Variants in VSIG10L observed in about 807,000 individuals in gnomAD.
The protein encoded by VSIG10L is V-set and immunoglobulin domain-containing protein 10-like.
In VSIG10L, 63 loss-of-function variants were observed where a neutral mutation model predicts 67.3. The ratio of observed to expected loss-of-function variants is 0.94; its 90% confidence interval spans 0.76 to 1.15. The LOEUF (loss-of-function observed/expected upper bound fraction) is 1.15, where lower values mean the gene tolerates loss of function less well. VSIG10L is among the 50% of genes most tolerant of loss of function. VSIG10L has a pLI of 0.00. For synonymous variants in VSIG10L, 499 were observed against 524.9 expected, an observed-to-expected ratio of 0.95 and a Z score of 0.67; for missense variants, 1,050 against 1,177.5, an observed-to-expected ratio of 0.89 and a Z score of 1.58.
At position 51,337,286 on chromosome 19, in the gene VSIG10L, G is replaced by A. The variant is rs1985505820; in HGVS notation, c.2257C>T (p.Leu753=). 6.4e-7 allele frequency: 1 copy of A among 1,551,240 alleles called. No individual in the cohort carries two copies. The highest frequency in any genetic ancestry group is 1.4e-5 in the African/African-American group (1 of 73,148). ...GATGGAGTCCCTGGCTGGCCCCCCAGGATGGGCAGGATCCGAAAGGTCCAG... is the reference window on the plus strand; with the variant it reads ...GATGGAGTCCCTGGCTGGCCCCCCAAGATGGGCAGGATCCGAAAGGTCCAG... ...GTWTFRILPI[L]GGQPGTPSQS... The change falls in exon 7 of 10, where the codon CTG becomes TTG. Residue 753 remains leucine (L), a synonymous_variant. Transcript: ENST00000335624.
intron 7 of VSIG10L, among the ~76,000 whole-genome samples, chr19:51,335,024 C>T (rs1985448976): frequency 6.6e-6 from 1 of 152,144 alleles, no homozygotes; most frequent in South Asian, 2.1e-4. Flanking sequence ...GCTCAGGTCC[C>T]TGAGGAAGTA....
At chr19:51,332,770 AGGGG>A in intron 9 of VSIG10L, 130 bp from the exon 10 acceptor site, 2 of 880,326 alleles carry the variant, frequency 2.3e-6, no homozygotes, top group African/African-American at 1.7e-5. Context: ...CCATTTGGAG[AGGGG>A]AAAAAAAATG....
Position 51,340,675 on chromosome 19 carries a change from C to T in VSIG10L, c.947G>A (p.Gly316Glu). Residue 316 changes from glycine (G) to glutamate (E), a missense_variant, in exon 3 of 10, where the codon GGG becomes GAG. Physicochemically the swap from Gly to Glu is moderately conservative, Grantham distance 98 (BLOSUM62 -2). This residue lies in a region of VSIG10L where 511 missense variants were observed against 557.9 expected (regional missense o/e 0.92). Transcript: ENST00000335624. The surrounding 1 kb of genome is among the most constrained non-coding windows in gnomAD (Gnocchi z 6.3). Reference sequence around the variant, plus strand: ...GCAGCGCAGCCGGAGCTCGGCCGCCCCCTCCTCTGTCTCTGGAGCCTTGGG... The same window carrying T: ...GCAGCGCAGCCGGAGCTCGGCCGCCTCCTCCTCTGTCTCTGGAGCCTTGGG... ...VQPKAPETEE[G>E]AAELRLRCLG... 6 of 1,528,288 alleles carry T rather than the reference C, an allele frequency of 3.9e-6. No individual in the cohort carries two copies. In the South Asian group the frequency reaches 7.2e-5, roughly 18 times the overall value. 94.7% of individuals were successfully genotyped at this position (1,528,288 alleles called of 1,614,324 possible).
Position 51,341,734 on chromosome 19 carries a change from C to G in VSIG10L, c.314G>C (p.Ser105Thr). 2 of 1,551,652 alleles carry G rather than the reference C, an allele frequency of 1.3e-6. No individual in the cohort carries two copies. The highest frequency in any genetic ancestry group is 8.7e-7 in the Non-Finnish European group (1 of 1,146,988). ...GGTTTCAGAGAAGGGGGAAACCGGG[C>G]TCAAATCTTGGCCCTCAGCAGAAAC... is the stretch of plus-strand genomic sequence containing the variant. ...SNVSAEGQDLSPVSPFSETPG... is the reference protein window; with the variant it reads ...SNVSAEGQDLTPVSPFSETPG... Residue 105 changes from serine (S) to threonine (T), a missense_variant, in exon 2 of 10, where the codon AGC becomes ACC. By Grantham distance (58) the Ser-to-Thr change is moderately conservative. Transcript: ENST00000335624.
In VSIG10L at chr19:51,334,183, T is replaced by C; in HGVS notation, c.2419+8A>G. The C allele has an allele frequency of 1.2e-5, 18 of 1,551,684 alleles. No individual in the cohort carries two copies. The highest frequency in any genetic ancestry group is 1.5e-5 in the Non-Finnish European group (17 of 1,146,940). On this transcript the variant is annotated splice_region_variant and intron_variant, in intron 8 of 9. Transcript: ENST00000335624. ...CATGGTTGCCCCTTCCCCAGTCCCC[T>C]TGCTCACCACGAAAGCGGCACAGGC... is the stretch of plus-strand genomic sequence containing the variant.
Position 51,338,121 on chromosome 19 carries a change from G to A in VSIG10L, c.1817C>T (p.Pro606Leu), listed in dbSNP as rs892325151. Residue 606 changes from proline to leucine, a missense_variant, in exon 6 of 10, where the codon CCC (proline) becomes CTC (leucine). Transcript: ENST00000335624. ...AEVALEASGC[P>L]PPSRASWARE... ...GGCCCAGGATGCCCGTGAGGGTGGGGGACAACCAGAGGCCTCCAGTGCCAC... is the reference window on the plus strand; with the variant it reads ...GGCCCAGGATGCCCGTGAGGGTGGGAGACAACCAGAGGCCTCCAGTGCCAC... 1 of 1,548,926 alleles carries A rather than the reference G, an allele frequency of 6.5e-7. No individual in the cohort carries two copies. Among genetic ancestry groups the A allele is most frequent in the African/African-American group, 1.4e-5 (1 of 72,908 alleles).
chr19:51,341,201 G>A lies in VSIG10L; in HGVS notation c.847C>T (p.Arg283Trp), dbSNP rs774373557. 1.2e-5 allele frequency: 18 copies of A among 1,544,610 alleles called. No individual in the cohort carries two copies. Among genetic ancestry groups the A allele is most frequent in the Non-Finnish European group, 1.4e-5 (16 of 1,143,864 alleles). ...DAGVYTAEVI[R>W]AGVSQQTHEF... ...TGAGTCTGCTGGGAGACCCCTGCCC[G>A]GATGACCTCAGCCGTGTAGACCCCT... The change falls in exon 2 of 10, where the codon CGG becomes TGG. Residue 283 changes from arginine (R) to tryptophan (W), a missense_variant. By Grantham distance (101) the Arg-to-Trp change is moderately radical (BLOSUM62 -3). This residue lies in a region of VSIG10L where 511 missense variants were observed against 557.9 expected (regional missense o/e 0.92). Coordinates refer to ENST00000335624, the MANE Select transcript of VSIG10L (RefSeq NM_001163922.3).
Position 51,340,709 on chromosome 19 carries a change from A to C in VSIG10L, c.913T>G (p.Ser305Ala). ...GTCTCTGGAGCCTTGGGCTGAACCG[A>C]CAGCTGGGGTAGGGGCTCTGGGAGA... ...VGVYEPLPQL[S>A]VQPKAPETEE... Residue 305 changes from serine (S) to alanine (A), a missense_variant, in exon 3 of 10, where the codon TCG becomes GCG. By Grantham distance (99) the Ser-to-Ala change is moderately conservative. Coordinates refer to ENST00000335624, the MANE Select transcript of VSIG10L (RefSeq NM_001163922.3). This position sits in a 1 kb window ranked among gnomAD's most constrained non-coding sequence, Gnocchi z 6.3. 1.3e-6 allele frequency: 2 copies of C among 1,506,518 alleles called. No homozygotes were observed. The highest frequency in any genetic ancestry group is 1.8e-6 in the Non-Finnish European group (2 of 1,130,362). 93.3% of individuals were successfully genotyped at this position (1,506,518 alleles called of 1,614,324 possible).
At position 51,338,102 on chromosome 19, in the gene VSIG10L, G is replaced by A; in HGVS notation, c.1836C>T (p.Ser612=). 1 of 1,551,012 alleles carries A rather than the reference G, an allele frequency of 6.4e-7. No homozygotes were observed. Among genetic ancestry groups the A allele is most frequent in the Non-Finnish European group, 8.7e-7 (1 of 1,146,712 alleles). The change falls in exon 6 of 10, where the codon TCC becomes TCT. Residue 612 remains serine (S), a synonymous_variant. Coordinates refer to ENST00000335624, the MANE Select transcript of VSIG10L (RefSeq NM_001163922.3). ...ASGCPPPSRA[S]WAREGRPLAP... Reference sequence around the variant, plus strand: ...CCAGGGGCCTCCCTTCCCGGGCCCAGGATGCCCGTGAGGGTGGGGGACAAC... The same window carrying A: ...CCAGGGGCCTCCCTTCCCGGGCCCAAGATGCCCGTGAGGGTGGGGGACAAC...
At chr19:51,332,739 T>C in intron 9 of VSIG10L, 99 bp from the exon 10 acceptor site, 1 of 1,230,004 alleles carries the variant, frequency 8.1e-7, no homozygotes, top group Non-Finnish European at 1.1e-6. Context: ...TTGAACTTTT[T>C]AGAGATTATC....
Position 51,340,110 on chromosome 19 carries a change from G to T in VSIG10L, c.1379C>A (p.Ala460Glu). 7.6e-7 allele frequency: 1 copy of T among 1,318,692 alleles called. No homozygotes were observed. The highest frequency in any genetic ancestry group is 9.6e-7 in the Non-Finnish European group (1 of 1,038,714). 81.7% of individuals were successfully genotyped at this position (1,318,692 alleles called of 1,614,324 possible). Residue 460 changes from alanine to glutamate, a missense_variant, in exon 4 of 10, where the codon GCG becomes GAG. By Grantham distance (107) the Ala-to-Glu change is moderately radical. Coordinates refer to ENST00000335624, the MANE Select transcript of VSIG10L (RefSeq NM_001163922.3). This position sits in a 1 kb window ranked among gnomAD's most constrained non-coding sequence, Gnocchi z 6.3. ...GGTGCCTGCGTGGCCCGGTCCGACC[G>T]CGGGCAGCAGGAGGCGCGACCCCGC... ...VPAGSRLLLP[A>E]VGPGHAGTYA...
chr19:51,337,371 G>A lies in VSIG10L; in HGVS notation c.2172C>T (p.Leu724=), dbSNP rs369002242. 1.0e-5 allele frequency: 16 copies of A among 1,551,628 alleles called. No individual in the cohort carries two copies. In the East Asian group the frequency reaches 1.7e-4, roughly 17 times the overall value. Residue 724 remains leucine (L), a synonymous_variant, in exon 7 of 10, where the codon CTC becomes CTT. Transcript: ENST00000335624. Reference sequence around the variant, plus strand: ...CTGACCGCTCCTGAGGCCCCAGGATGAGCAGGGAGACCCAGTCCCTGTAGG... The same window carrying A: ...CTGACCGCTCCTGAGGCCCCAGGATAAGCAGGGAGACCCAGTCCCTGTAGG... ...TSTYRDWVSL[L]ILGPQERSAV... is the part of the protein sequence containing the mutation.
Position 51,341,521 on chromosome 19 carries a change from C to T in VSIG10L, c.527G>A (p.Ser176Asn), listed in dbSNP as rs1368416469. Residue 176 changes from serine to asparagine, a missense_variant, in exon 2 of 10, where the codon AGC becomes AAC. Ser to Asn is a conservative substitution (Grantham distance 46). Around this residue, in one of 3 missense-constraint regions of VSIG10L, gnomAD observed 511 missense variants for 557.9 expected, o/e 0.92. Coordinates refer to ENST00000335624, the MANE Select transcript of VSIG10L (RefSeq NM_001163922.3). ...DDMDLKLSAQ[S>N]PESKFSAETH... ...CTCTGCAGAAAATTTGGATTCAGGGCTCTGGGCAGAGAGTTTAAGATCCAT... is the reference window on the plus strand; with the variant it reads ...CTCTGCAGAAAATTTGGATTCAGGGTTCTGGGCAGAGAGTTTAAGATCCAT... 6 of 1,551,340 alleles carry T rather than the reference C, an allele frequency of 3.9e-6. No homozygotes were observed. The highest frequency in any genetic ancestry group is 5.2e-6 in the Non-Finnish European group (6 of 1,146,954).
intron 6 of VSIG10L, 64 bp downstream of exon 6, chr19:51,337,866 G>A: frequency 6.8e-7 from 1 of 1,474,136 alleles, no homozygotes; most frequent in African/African-American, 1.4e-5. Flanking sequence ...CTGAACTTCT[G>A]GGTCTGAGGG....
chr19:51,338,879 C>G lies in VSIG10L; in HGVS notation c.1729+9G>C, dbSNP rs767621649. On this transcript the variant is annotated intron_variant, in intron 5 of 9. Coordinates refer to ENST00000335624, the MANE Select transcript of VSIG10L (RefSeq NM_001163922.3). ...CGAGAAACAGCAAAAAAGCCCCGCG[C>G]CCTCTCACCCGGCGTGACTGTGCAG... The G allele has an allele frequency of 7.3e-7, 1 of 1,370,726 alleles. No individual in the cohort carries two copies. The allele number at this position is 1,370,726 out of a possible 1,614,324, so 84.9% of individuals were successfully genotyped here.
At chr19:51,336,921 C>T (rs1382804825) in intron 7 of VSIG10L, among the ~76,000 whole-genome samples, 2 of 152,078 alleles carry the variant, frequency 1.3e-5, no homozygotes, top group South Asian at 2.1e-4. Context: ...CGCCCGCCAC[C>T]GCGCCAGGCT....
Position 51,334,098 on chromosome 19 carries a change from GC to G in VSIG10L, c.2419+92del, listed in dbSNP as rs1985422957. On this transcript the variant is annotated intron_variant, in intron 8 of 9. Coordinates refer to ENST00000335624, the MANE Select transcript of VSIG10L (RefSeq NM_001163922.3). ...AGGGCAGGATGGATGACCTATGACG[GC>G]ACTGATTGCCTCAGCCAGGTCTTCC... 11 of 1,468,344 alleles carry G rather than the reference GC, an allele frequency of 7.5e-6. No individual in the cohort carries two copies. The South Asian group carries it at 1.3e-4, about 18-fold the overall frequency. 91.0% of individuals were successfully genotyped at this position (1,468,344 alleles called of 1,614,324 possible).
At position 51,338,139 on chromosome 19, in the gene VSIG10L, A is replaced by C. The variant is rs527748484; in HGVS notation, c.1799T>G (p.Leu600Arg). ...ETRLGEAEVA[L>R]EASGCPPPSR... ...GGGTGGGGGACAACCAGAGGCCTCC[A>C]GTGCCACCTCTGCCTCCCCCAACCG... The change falls in exon 6 of 10, where the codon CTG (leucine) becomes CGG (arginine). Residue 600 changes from leucine to arginine, a missense_variant. Transcript: ENST00000335624. 1.9e-6 allele frequency: 3 copies of C among 1,542,290 alleles called. No individual in the cohort carries two copies. Among genetic ancestry groups the C allele is most frequent in the East Asian group, 4.9e-5 (2 of 40,776 alleles).
chr19:51,337,237 C>T lies in VSIG10L; in HGVS notation c.2305+1G>A. 1 of 1,543,978 alleles carries T rather than the reference C, an allele frequency of 6.5e-7. No individual in the cohort carries two copies. The highest frequency in any genetic ancestry group is 8.8e-7 in the Non-Finnish European group (1 of 1,142,402). On this transcript the variant is annotated splice_donor_variant, in intron 7 of 9. Transcript: ENST00000335624. LOFTEE classifies it high-confidence loss of function. ...GGTCTACTCTGACAGCCCCAACTCA[C>T]CGGCCCGGTAGACCCGGCTTTGTGA...
Sources: allele counts gnomAD v4.1 joint callset (sites outside exome capture counted in the v4.1 genomes callset), GRCh38; gene constraint gnomAD v4.1.1; regional missense constraint gnomAD v4.1.1; non-coding constraint Gnocchi (gnomAD v3.1); transcripts MANE v1.5; gene names NCBI Gene and HGNC (gene_info 2026-07-23, HGNC 2026-07-21).